The following CMAS variants were observed in gnomAD, a reference collection of about 807,000 sequenced individuals.
CMAS encodes cytidine monophosphate N-acetylneuraminic acid synthetase.
CMAS carries 21 observed loss-of-function variants against 53.4 expected under a neutral mutation model. The ratio of observed to expected loss-of-function variants is 0.39; its 90% CI spans 0.28 to 0.57. The LOEUF (loss-of-function observed/expected upper bound fraction) is 0.57, where lower values mean the gene tolerates loss of function less well. Among genes scored for constraint, CMAS ranks in the 20% least tolerant of loss-of-function variants. The pLI, the probability that CMAS is intolerant of heterozygous loss-of-function variation, is 0.56. For missense variants in CMAS, 384 were observed against 534.9 expected, an observed-to-expected ratio of 0.72 and a Z score of 2.78; for synonymous variants, 189 against 195.2, an observed-to-expected ratio of 0.97 and a Z score of 0.27.
intron 5 of CMAS, 62 bp downstream of exon 5, chr12:22,060,988 C>T: frequency 1.0e-6 from 1 of 994,480 alleles, no homozygotes; most frequent in Non-Finnish European, 1.6e-6. Flanking sequence ...TTTCTAGATA[C>T]TGATTTCTGA....
chr12:22,056,372 G>C (rs1471123126), intron 3 of CMAS, among the ~76,000 whole-genome samples: 1 of 152,080 alleles, frequency 6.6e-6, no homozygotes, highest in Non-Finnish European at 1.5e-5. Flanking sequence ...TTGTATATCT[G>C]GCATAGACAC....
intron 5 of CMAS, 142 bp from the exon 6 acceptor site, chr12:22,061,139 A>G: frequency 1.4e-6 from 1 of 708,258 alleles, no homozygotes; most frequent in Non-Finnish European, 2.4e-6. Context: ...ACTATATGTT[A>G]AAATATATAT....
intron 6 of CMAS, among the ~76,000 whole-genome samples, chr12:22,061,995 A>G (rs1389418047): frequency 6.6e-6 from 1 of 152,184 alleles, no homozygotes; most frequent in Non-Finnish European, 1.5e-5. Flanking sequence ...AGTATCAGAC[A>G]ATATATGTTG....
Position 22,062,412 on chromosome 12 carries a change from C to G in CMAS, c.1092C>G (p.Cys364Trp). The G allele has an allele frequency of 6.2e-7, 1 of 1,613,248 alleles. No individual in the cohort carries two copies. The highest frequency in any genetic ancestry group is 2.2e-5 in the East Asian group (1 of 44,848). The change falls in exon 7 of 8, where the codon TGC (cysteine) becomes TGG (tryptophan). Residue 364 changes from cysteine (C) to tryptophan (W), a missense_variant. Around this residue, in one of 3 missense-constraint regions of CMAS, gnomAD observed 134 missense variants for 154.6 expected, o/e 0.87. Transcript: ENST00000229329. The stretch of plus-strand genomic sequence containing the variant: ...AATGGAGAAAAGAAATGGGCCTGTG[C>G]TGGAAAGAAGTGGCATATCTTGGTT... ...VDEWRKEMGL[C>W]WKEVAYLGNE...
chr12:22,046,425 A>G lies in CMAS; in HGVS notation c.122A>G (p.Lys41Arg), dbSNP rs764648262. 5.6e-6 allele frequency: 9 copies of G among 1,605,810 alleles called. No homozygotes were observed. Among genetic ancestry groups the G allele is most frequent in the African/African-American group, 2.7e-5 (2 of 74,560 alleles). Residue 41 changes from lysine to arginine, a missense_variant, in exon 1 of 8, where the codon AAG (lysine) becomes AGG (arginine). Lys to Arg is a conservative substitution (Grantham distance 26). Coordinates refer to ENST00000229329, the MANE Select transcript of CMAS (RefSeq NM_018686.6). ...GGCGGCCAGGGCCGAGGTGTGGAGAAGCCCCCGCACCTGGCAGCCCTAATT... is the reference window on the plus strand; with the variant it reads ...GGCGGCCAGGGCCGAGGTGTGGAGAGGCCCCCGCACCTGGCAGCCCTAATT... ...SRGGQGRGVE[K>R]PPHLAALILA...
At chr12:22,061,203 C>T in intron 5 of CMAS, 78 bp from the exon 6 acceptor site, 1 of 949,048 alleles carries the variant, frequency 1.1e-6, no homozygotes, top group Non-Finnish European at 1.7e-6. Flanking sequence ...GGTGACATTT[C>T]ATGTATTGGT....
intron 1 of CMAS, among the ~76,000 whole-genome samples, chr12:22,048,240 G>T (rs1289562999): frequency 4.6e-5 from 7 of 152,210 alleles, no homozygotes; most frequent in Non-Finnish European, 8.8e-5. Flanking sequence ...GAACATTAAT[G>T]TGTGTTGTAT....
At chr12:22,053,488 G>GTA (rs553406435) in intron 1 of CMAS, among the ~76,000 whole-genome samples, 4,068 of 144,786 alleles carry the variant, frequency 0.028, 172 homozygotes, top group African/African-American at 0.091. Flanking sequence ...GTTTGTGTGT[G>GTA]TATATATATA....
intron 6 of CMAS, among the ~76,000 whole-genome samples, chr12:22,061,898 A>T (rs889942679): frequency 1.3e-5 from 2 of 152,184 alleles, no homozygotes; most frequent in African/African-American, 4.8e-5. Flanking sequence ...ATTTACCAGA[A>T]ATCCTAAATA....
intron 6 of CMAS, 111 bp from the exon 7 acceptor site, chr12:22,062,170 T>C: frequency 1.1e-6 from 1 of 897,540 alleles, no homozygotes; most frequent in Non-Finnish European, 1.6e-6. Flanking sequence ...AAAAGATGAC[T>C]CGTTTGTGAT....
At position 22,055,233 on chromosome 12, in the gene CMAS, T is replaced by A. The variant is rs1950260218; in HGVS notation, c.345T>A (p.Val115=). ...GAQVHRRSSE[V]SKDSSTSLDA... ...AAGTTCATCGAAGAAGTTCTGAAGT[T>A]TCAAAAGACAGCTCTACCTCACTAG... Residue 115 remains valine, a synonymous_variant, in exon 2 of 8, where the codon GTT becomes GTA. Coordinates refer to ENST00000229329, the MANE Select transcript of CMAS (RefSeq NM_018686.6). 1 of 1,612,092 alleles carries A rather than the reference T, an allele frequency of 6.2e-7. No homozygotes were observed. The highest frequency in any genetic ancestry group is 1.3e-5 in the African/African-American group (1 of 74,860).
intron 1 of CMAS, among the ~76,000 whole-genome samples, chr12:22,051,102 A>ATT (rs1432101103): frequency 6.6e-5 from 10 of 152,188 alleles, no homozygotes; most frequent in Non-Finnish European, 1.0e-4. Context: ...ATTTGACTTA[A>ATT]TTGAGGCAGA....
intron 1 of CMAS, among the ~76,000 whole-genome samples, chr12:22,052,061 T>A (rs374116547): frequency 1.3e-5 from 2 of 152,208 alleles, no homozygotes; most frequent in African/African-American, 4.8e-5. Flanking sequence ...AACCATCCTT[T>A]TAATCCCTTA....
Position 22,053,957 on chromosome 12 carries a change from C to T in CMAS, c.261-1192C>T, listed in dbSNP as rs116443987. On this transcript the variant is annotated intron_variant, in intron 1 of 7. Coordinates refer to ENST00000229329, the MANE Select transcript of CMAS (RefSeq NM_018686.6). Reference sequence around the variant, plus strand: ...TGTCTTTTTTTTTGAGACAGGGTCTCGCTGTGTCTCTCAGGCTGGAGTGCA... The same window carrying T: ...TGTCTTTTTTTTTGAGACAGGGTCTTGCTGTGTCTCTCAGGCTGGAGTGCA... Among the ~76,000 whole-genome samples, 1,469 of 149,472 alleles carry T rather than the reference C, an allele frequency of 9.8e-3. 23 individuals carry two copies. The highest frequency in any genetic ancestry group is 0.035 in the African/African-American group (1,407 of 40,650).
intron 1 of CMAS, among the ~76,000 whole-genome samples, chr12:22,049,920 A>T (rs1462087769): frequency 5.5e-4 from 56 of 101,294 alleles, no homozygotes; most frequent in Admixed American, 1.3e-3. Flanking sequence ...AAAAAAAAAA[A>T]TTTTTTTTCT....
At chr12:22,060,681 T>A in intron 4 of CMAS, 151 bp from the exon 5 acceptor site, 2 of 535,704 alleles carry the variant, frequency 3.7e-6, no homozygotes, top group Non-Finnish European at 6.6e-6. Flanking sequence ...AAAATAAATT[T>A]AAAAATCATT....
intron 7 of CMAS, among the ~76,000 whole-genome samples, chr12:22,064,286 G>A (rs192554738): frequency 1.5e-4 from 23 of 152,154 alleles, no homozygotes; most frequent in Admixed American, 8.5e-4. Flanking sequence ...TCCAAAAAAG[G>A]GGTTAACAGA....
At position 22,055,359 on chromosome 12, in the gene CMAS, G is replaced by T. The variant is rs1249372406; in HGVS notation, c.403+68G>T. On this transcript the variant is annotated intron_variant, in intron 2 of 7. Coordinates refer to ENST00000229329, the MANE Select transcript of CMAS (RefSeq NM_018686.6). ...TTCTACTTCCTTTATTATCTTATAA[G>T]ACTTGTTTTAACATTTGAATTCCAA... The T allele has an allele frequency of 2.7e-6, 4 of 1,480,772 alleles. No homozygotes were observed. The East Asian group carries it at 7.1e-5, about 26-fold the overall frequency. The allele number at this position is 1,480,772 out of a possible 1,614,324, so 91.7% of individuals were successfully genotyped here. A position where few individuals can be genotyped will look rare whatever the true frequency, so the allele number is the denominator to read the frequency against.
At chr12:22,047,735 T>A (rs1950215694) in intron 1 of CMAS, among the ~76,000 whole-genome samples, 1 of 152,174 alleles carries the variant, frequency 6.6e-6, no homozygotes, top group African/African-American at 2.4e-5. Flanking sequence ...AGTAGCTATT[T>A]ACTGAGCCCT....
Sources: allele counts gnomAD v4.1 joint callset (sites outside exome capture counted in the v4.1 genomes callset), GRCh38; gene constraint gnomAD v4.1.1; regional missense constraint gnomAD v4.1.1; transcripts MANE v1.5; gene names NCBI Gene and HGNC (gene_info 2026-07-23, HGNC 2026-07-21).